The following MACROD2 variants were observed in gnomAD, a reference collection of about 807,000 sequenced individuals.
The protein encoded by MACROD2 is mono-ADP ribosylhydrolase 2, also known as ADP-ribose glycohydrolase MACROD2.
MACROD2 carries 36 observed loss-of-function variants against 70.4 expected under a neutral mutation model. That is an observed-to-expected ratio of 0.51 (90% CI 0.39 to 0.68). The LOEUF is 0.68. Among genes scored for constraint, MACROD2 ranks in the 30% least tolerant of loss-of-function variants. The pLI is 0.00. For synonymous variants in MACROD2, 172 were observed against 178.8 expected, an observed-to-expected ratio of 0.96 and a Z score of 0.30; for missense variants, 496 against 538.4, an observed-to-expected ratio of 0.92 and a Z score of 0.78.
At chr20:15,979,098 C>A (rs55678247) in intron 13 of MACROD2, among the ~76,000 whole-genome samples, 21,524 of 152,144 alleles carry the variant, frequency 0.14, 1,821 homozygotes, top group East Asian at 0.21. Context: ...GTATCATGGG[C>A]AGTTTAAAAA....
intron 6 of MACROD2, among the ~76,000 whole-genome samples, chr20:15,339,882 C>G (rs117466310): frequency 1.3e-5 from 2 of 151,472 alleles, no homozygotes; most frequent in Non-Finnish European, 2.9e-5. Context: ...AATATCTTTT[C>G]CATTGCAATG....
intron 8 of MACROD2, among the ~76,000 whole-genome samples, chr20:15,570,213 AT>A: frequency 6.6e-6 from 1 of 152,038 alleles, no homozygotes; most frequent in East Asian, 1.9e-4. Flanking sequence ...TGTCTTTCAT[AT>A]TTTTTATAAT....
intron 6 of MACROD2, among the ~76,000 whole-genome samples, chr20:15,279,973 G>A (rs2077428466): frequency 6.6e-6 from 1 of 152,312 alleles, no homozygotes; most frequent in South Asian, 2.1e-4. Context: ...TGATGGTGCT[G>A]CACAGTGCCT....
At chr20:14,755,654 G>A (rs1204701257) in intron 5 of MACROD2, among the ~76,000 whole-genome samples, 1 of 152,074 alleles carries the variant, frequency 6.6e-6, no homozygotes, top group Non-Finnish European at 1.5e-5. Context: ...CATTATTGCT[G>A]AAGTAAGTCT....
intron 3 of MACROD2, among the ~76,000 whole-genome samples, chr20:14,395,014 A>G (rs1486329707): frequency 1.3e-5 from 2 of 152,052 alleles, no homozygotes; most frequent in Non-Finnish European, 2.9e-5. Context: ...TTTTTTATAT[A>G]TATTGATTAG....
At chr20:14,451,079 G>A (rs2084239974) in intron 3 of MACROD2, among the ~76,000 whole-genome samples, 1 of 152,030 alleles carries the variant, frequency 6.6e-6, no homozygotes, top group Non-Finnish European at 1.5e-5. Flanking sequence ...TTTTTTGGGG[G>A]GCTGGTCCCA....
rs755767479 is a variant in MACROD2 at position 14,900,481 on chromosome 20, CT to C, written c.418+215525del. 2.2e-3 allele frequency among the ~76,000 whole-genome samples: 329 copies of C among 152,164 alleles called. 1 individual carries two copies. Among genetic ancestry groups the C allele is most frequent in the Non-Finnish European group, 2.8e-3 (189 of 67,950 alleles). On this transcript the variant is annotated intron_variant, in intron 5 of 17. Transcript: ENST00000684519. Reference sequence around the variant, plus strand: ...AAATATTTTTATTACAAGTCAATCTCTTTGCTTGTTACAGTTTTATTTAGAC... The same window carrying C: ...AAATATTTTTATTACAAGTCAATCTCTTGCTTGTTACAGTTTTATTTAGAC...
chr20:14,995,562 A>T (rs2074942316), intron 5 of MACROD2, among the ~76,000 whole-genome samples: 1 of 152,068 alleles, frequency 6.6e-6, no homozygotes, highest in South Asian at 2.1e-4. Context: ...TGAAACAATC[A>T]TATGTAATGC....
intron 13 of MACROD2, 49 bp downstream of exon 13, chr20:15,967,679 CAGAAA>C: frequency 5.4e-5 from 15 of 277,864 alleles, no homozygotes; most frequent in Admixed American, 4.4e-4. Context: ...TGCTGGGAAA[CAGAAA>C]AAAAAAAAAA....
chr20:14,680,049 A>G (rs2070912992), intron 4 of MACROD2, among the ~76,000 whole-genome samples: 1 of 152,218 alleles, frequency 6.6e-6, no homozygotes, highest in South Asian at 2.1e-4. Flanking sequence ...CTTAACTCAT[A>G]TGGTAAGTGG....
Position 14,326,838 on chromosome 20 carries a change from G to A in MACROD2, c.272-166641G>A, listed in dbSNP as rs2082744037. 1.9e-6 allele frequency: 3 copies of A among 1,613,676 alleles called. No homozygotes were observed. In the Admixed American group the frequency reaches 5.0e-5, roughly 27 times the overall value. On this transcript the variant is annotated intron_variant, in intron 3 of 17. Coordinates refer to ENST00000684519, the MANE Select transcript of MACROD2 (RefSeq NM_001351661.2). The surrounding 1 kb of genome is among the most constrained non-coding windows in gnomAD (Gnocchi z 5.5). ...GGGACAGCTCTGTCAAATTAACTAGGTTGAAGAAAACTTTGTCACCTAAAC... is the reference window on the plus strand; with the variant it reads ...GGGACAGCTCTGTCAAATTAACTAGATTGAAGAAAACTTTGTCACCTAAAC...
intron 6 of MACROD2, among the ~76,000 whole-genome samples, chr20:15,239,306 A>C (rs2077040702): frequency 6.6e-6 from 1 of 152,112 alleles, no homozygotes; most frequent in Non-Finnish European, 1.5e-5. Context: ...TAAAATAAAA[A>C]CAAATCTGTC....
chr20:15,670,173 T>A (rs919825100), intron 8 of MACROD2, among the ~76,000 whole-genome samples: 1 of 152,202 alleles, frequency 6.6e-6, no homozygotes, highest in Admixed American at 6.5e-5. Context: ...ATTGGAAAGG[T>A]TAAAACGAAG....
At chr20:14,262,172 A>G (rs1052202357) in intron 3 of MACROD2, among the ~76,000 whole-genome samples, 7 of 152,188 alleles carry the variant, frequency 4.6e-5, no homozygotes, top group Admixed American at 3.3e-4. Flanking sequence ...AGGGAAAGTT[A>G]GGCAGAGGCT....
Position 15,767,445 on chromosome 20 carries a change from C to G in MACROD2, c.646-95300C>G, listed in dbSNP as rs1056429410. Among the ~76,000 whole-genome samples, 7 of 152,216 alleles carry G rather than the reference C, an allele frequency of 4.6e-5. No homozygotes were observed. In the East Asian group the frequency reaches 1.3e-3, roughly 29 times the overall value. On this transcript the variant is annotated intron_variant, in intron 8 of 17. Transcript: ENST00000684519. ...ATAGTTACATTTCTAGAGAGAAGGA[C>G]TGCTTTTTCTGATTCTTACAAAAAT...
At chr20:15,274,178 A>C (rs1480122506) in intron 6 of MACROD2, among the ~76,000 whole-genome samples, 1 of 152,220 alleles carries the variant, frequency 6.6e-6, no homozygotes, top group Non-Finnish European at 1.5e-5. Flanking sequence ...ATTGTATCTT[A>C]GGAAACTAAG....
intron 4 of MACROD2, among the ~76,000 whole-genome samples, chr20:14,513,473 G>A (rs436322): frequency 0.82 from 124,632 of 151,986 alleles, 51,507 homozygotes; most frequent in East Asian, 1. Context: ...AATTAAATGA[G>A]TTAGCCAAGG....
At chr20:15,018,101 C>T (rs375190782) in intron 5 of MACROD2, among the ~76,000 whole-genome samples, 35 of 152,296 alleles carry the variant, frequency 2.3e-4, no homozygotes, top group Non-Finnish European at 3.5e-4. Flanking sequence ...AGTCAGGCTG[C>T]GACTTTTCCC....
At chr20:16,018,766 C>T (rs893032125) in intron 15 of MACROD2, among the ~76,000 whole-genome samples, 1 of 152,068 alleles carries the variant, frequency 6.6e-6, no homozygotes, top group African/African-American at 2.4e-5. Context: ...TCTCTTGGAC[C>T]TTCAAACATA....
Sources: gnomAD v4.1 joint callset for allele counts (sites outside exome capture counted in the v4.1 genomes callset) on GRCh38, gnomAD v4.1.1 for gene constraint, Gnocchi (gnomAD v3.1) non-coding constraint, MANE v1.5 for transcripts, NCBI Gene and HGNC (gene_info 2026-07-23, HGNC 2026-07-21) for gene names.